Variants in APC observed in about 807,000 individuals in gnomAD.
APC encodes the protein adenomatous polyposis coli protein.
In APC, 72 loss-of-function variants were observed where a neutral mutation model predicts 247.0. The observed-to-expected ratio is 0.29, with a 90% CI of 0.24 to 0.35. The LOEUF is 0.35. Ranked by LOEUF, APC falls within the 10% of genes least tolerant of loss-of-function variation. The pLI is 1.00. For missense variants in APC, 3,400 were observed against 3,360.7 expected, an observed-to-expected ratio of 1.01 and a Z score of -0.29; for synonymous variants, 1,254 against 1,162.5, an observed-to-expected ratio of 1.08 and a Z score of -1.60.
intron 4 of APC, among the ~76,000 whole-genome samples, chr5:112,768,465 CTT>C (rs1756619423): frequency 2.0e-5 from 3 of 148,816 alleles, no homozygotes; most frequent in Admixed American, 6.7e-5. Flanking sequence ...AAAGATGACT[CTT>C]TTCATTATGG....
At chr5:112,735,158 TTC>T (rs1752312844), upstream of APC, among the ~76,000 whole-genome samples, 2 of 151,990 alleles carry the variant, frequency 1.3e-5, no homozygotes, top group Non-Finnish European at 2.9e-5. Flanking sequence ...CACAATTTAT[TTC>T]TGTTTCATTT....
At chr5:112,770,743 G>C (rs1026982498) in intron 4 of APC, among the ~76,000 whole-genome samples, 8 of 152,028 alleles carry the variant, frequency 5.3e-5, no homozygotes, top group Non-Finnish European at 1.2e-4. Context: ...TATTGGACAT[G>C]ACTTACTGAC....
chr5:112,762,425 G>GT (rs1755777108), intron 2 of APC, among the ~76,000 whole-genome samples: 1 of 152,206 alleles, frequency 6.6e-6, no homozygotes, highest in Admixed American at 6.5e-5. Context: ...CTGCAGACTG[G>GT]TAACAGCCCA....
At chr5:112,735,509 A>ATG (rs1752337609), upstream of APC, among the ~76,000 whole-genome samples, 1 of 150,946 alleles carries the variant, frequency 6.6e-6, no homozygotes, top group Non-Finnish European at 1.5e-5. Context: ...ACATATATAT[A>ATG]TATATATATG....
rs878853429 is a variant in APC at position 112,838,263 on chromosome 5, T to G, written c.2669T>G (p.Val890Gly). 6.2e-7 allele frequency: 1 copy of G among 1,614,174 alleles called. No homozygotes were observed. The highest frequency in any genetic ancestry group is 8.5e-7 in the Non-Finnish European group (1 of 1,180,040). Reference protein sequence around the residue: ...ISTTAAQIAKVMEEVSAIHTS... With the variant: ...ISTTAAQIAKGMEEVSAIHTS... ...ACCACTGCAGCCCAGATTGCCAAAG[T>G]CATGGAAGAAGTGTCAGCCATTCAT... is the stretch of plus-strand genomic sequence containing the variant. The change falls in exon 16 of 16, where the codon GTC becomes GGC. Residue 890 changes from valine to glycine, a missense_variant. This residue lies in a region of APC where 715 missense variants were observed against 656.6 expected (regional missense o/e 1.09). Coordinates refer to ENST00000257430, the MANE Select transcript of APC (RefSeq NM_000038.6).
At chr5:112,745,793 C>T (rs1354501058) in intron 1 of APC, among the ~76,000 whole-genome samples, 1 of 151,852 alleles carries the variant, frequency 6.6e-6, no homozygotes, top group African/African-American at 2.4e-5. Context: ...GTCTCAAACT[C>T]CTGACCTTGA....
At chr5:112,740,672 C>G (rs1752909964) in intron 1 of APC, among the ~76,000 whole-genome samples, 1 of 151,594 alleles carries the variant, frequency 6.6e-6, no homozygotes, top group South Asian at 2.1e-4. Context: ...ACTACAGGCA[C>G]ATACCACCGT....
chr5:112,774,031 C>T (rs984448937), intron 4 of APC, among the ~76,000 whole-genome samples: 1 of 152,004 alleles, frequency 6.6e-6, no homozygotes, highest in African/African-American at 2.4e-5. Flanking sequence ...TTTATATATT[C>T]TAGGAATTTC....
chr5:112,761,405 A>G (rs1210284363), intron 2 of APC, among the ~76,000 whole-genome samples: 1 of 152,190 alleles, frequency 6.6e-6, no homozygotes, highest in Admixed American at 6.5e-5. Context: ...AAATGAACAG[A>G]TAGAAAATTT....
At chr5:112,757,247 A>G (rs1755083840) in intron 2 of APC, among the ~76,000 whole-genome samples, 1 of 152,192 alleles carries the variant, frequency 6.6e-6, no homozygotes, top group African/African-American at 2.4e-5. Context: ...GAAAGAGCAT[A>G]AACCATGAGC....
intron 15 of APC, among the ~76,000 whole-genome samples, chr5:112,836,593 T>TC (rs1764971512): frequency 6.6e-6 from 1 of 152,252 alleles, no homozygotes; most frequent in African/African-American, 2.4e-5. Context: ...CAGAGTTCAT[T>TC]ATGCTGATTC....
intron 14 of APC, among the ~76,000 whole-genome samples, chr5:112,834,061 C>G (rs938284900): frequency 6.6e-6 from 1 of 151,858 alleles, no homozygotes; most frequent in Non-Finnish European, 1.5e-5. Context: ...AAGTGATCCT[C>G]CCAAGCAGCT....
chr5:112,741,540 TA>T (rs1399703797), intron 1 of APC, among the ~76,000 whole-genome samples: 1 of 152,200 alleles, frequency 6.6e-6, no homozygotes, highest in Admixed American at 6.5e-5. Context: ...TTAATATGCA[TA>T]AATTCTTGAG....
intron 4 of APC, among the ~76,000 whole-genome samples, chr5:112,769,038 CTTTTTTTTCTTCT>C (rs1756707110): frequency 7.8e-6 from 1 of 127,686 alleles, no homozygotes; most frequent in African/African-American, 3.0e-5. Context: ...GTAAATTTTT[CTTTTTTTTCTTCT>C]TTTTTTTTTT....
At chr5:112,726,509 C>T (rs991268553) in intron 1 of APC, among the ~76,000 whole-genome samples, 6 of 152,162 alleles carry the variant, frequency 3.9e-5, no homozygotes, top group African/African-American at 1.4e-4. Context: ...CCATTTGTCT[C>T]CTTGTGGAGC....
intron 1 of APC, among the ~76,000 whole-genome samples, chr5:112,742,977 C>T (rs1753216905): frequency 6.6e-6 from 1 of 152,160 alleles, no homozygotes; most frequent in Non-Finnish European, 1.5e-5. Context: ...TTTAAGAGAA[C>T]ACAAATGTAT....
At chr5:112,795,210 T>C (rs1760077376) in intron 7 of APC, among the ~76,000 whole-genome samples, 1 of 152,074 alleles carries the variant, frequency 6.6e-6, no homozygotes, top group Non-Finnish European at 1.5e-5. Context: ...GTATTTTTAG[T>C]AGAGATGGGG....
chr5:112,801,675 T>G (rs1172270257), intron 8 of APC, among the ~76,000 whole-genome samples: 1 of 152,162 alleles, frequency 6.6e-6, no homozygotes, highest in Admixed American at 6.5e-5. Context: ...TTTGATTATG[T>G]ATATGATTTG....
chr5:112,732,840 A>T (rs1385821226), intron 1 of APC, among the ~76,000 whole-genome samples: 1 of 152,226 alleles, frequency 6.6e-6, no homozygotes, highest in East Asian at 1.9e-4. Flanking sequence ...ATTTATGTTT[A>T]AGCCAAACCA....
Sources: allele counts gnomAD v4.1 joint callset (sites outside exome capture counted in the v4.1 genomes callset), GRCh38; gene constraint gnomAD v4.1.1; regional missense constraint gnomAD v4.1.1; transcripts MANE v1.5; gene names NCBI Gene and HGNC (gene_info 2026-07-23, HGNC 2026-07-21).